The following ZNF704 variants were observed in gnomAD, a reference collection of about 807,000 sequenced individuals.
ZNF704 encodes the protein glucocorticoid induced gene 1.
Under a neutral mutation model 44.7 loss-of-function variants are expected in ZNF704, and 10 were observed. The observed-to-expected ratio is 0.22, with a 90% CI of 0.14 to 0.38. The LOEUF (loss-of-function observed/expected upper bound fraction) is 0.38, where lower values mean the gene tolerates loss of function less well. Ranked by LOEUF, ZNF704 falls within the 10% of genes least tolerant of loss-of-function variation. ZNF704 has a pLI of 1.00. For missense variants in ZNF704, 390 were observed against 545.5 expected (o/e 0.71, Z 2.84); for synonymous variants, 211 against 207.6 (o/e 1.02, Z -0.14).
intron 1 of ZNF704, among the ~76,000 whole-genome samples, chr8:80,823,083 T>C (rs1017972377): frequency 6.6e-6 from 1 of 152,154 alleles, no homozygotes; most frequent in Non-Finnish European, 1.5e-5. Flanking sequence ...TCAATGGGGC[T>C]TGTCACACAG....
intron 4 of ZNF704, among the ~76,000 whole-genome samples, chr8:80,680,415 G>A (rs1235893326): frequency 2.0e-5 from 3 of 151,598 alleles, no homozygotes; most frequent in African/African-American, 7.3e-5. Flanking sequence ...GAATGGCAGG[G>A]CAGGGACAGG....
chr8:80,801,701 C>G lies in ZNF704; in HGVS notation c.221+19673G>C, dbSNP rs192089639. Among the ~76,000 whole-genome samples the G allele has an allele frequency of 3.5e-4, 54 of 152,194 alleles. No individual in the cohort carries two copies. In the South Asian group the frequency reaches 4.8e-3, roughly 13 times the overall value. On this transcript the variant is annotated intron_variant, in intron 2 of 8. Transcript: ENST00000327835. ...GGAAATTTATAGCACTAAATGCCCA[C>G]ATCAAAAAGCTAGAAAGGTCTCAAA...
chr8:80,727,690 G>C (rs1806509554), intron 2 of ZNF704, among the ~76,000 whole-genome samples: 1 of 152,064 alleles, frequency 6.6e-6, no homozygotes. Flanking sequence ...ACCCCGCCCC[G>C]ATGAGCTCAT....
At chr8:80,841,820 C>T (rs766053547) in intron 1 of ZNF704, among the ~76,000 whole-genome samples, 12 of 152,046 alleles carry the variant, frequency 7.9e-5, no homozygotes, top group African/African-American at 1.7e-4. Flanking sequence ...GAAAGGGTCT[C>T]GCTCTGTTGC....
chr8:80,688,000 A>G (rs971194411), intron 3 of ZNF704, among the ~76,000 whole-genome samples: 1 of 152,086 alleles, frequency 6.6e-6, no homozygotes, highest in African/African-American at 2.4e-5. Flanking sequence ...GAGGCCAGGA[A>G]TTCGAGGCCA....
intron 2 of ZNF704, among the ~76,000 whole-genome samples, chr8:80,820,272 A>G (rs182888262): frequency 3.0e-4 from 45 of 152,352 alleles, no homozygotes; most frequent in Admixed American, 6.5e-4. Flanking sequence ...GACAAATGAT[A>G]TGCAAGAAAG....
intron 6 of ZNF704, among the ~76,000 whole-genome samples, chr8:80,661,708 T>C (rs577301831): frequency 1.3e-5 from 2 of 152,296 alleles, no homozygotes; most frequent in African/African-American, 4.8e-5. Context: ...AAACATCACA[T>C]GTTCTCACTC....
At chr8:80,863,171 T>C (rs1809098271) in intron 1 of ZNF704, among the ~76,000 whole-genome samples, 2 of 152,258 alleles carry the variant, frequency 1.3e-5, no homozygotes, top group Admixed American at 1.3e-4. Flanking sequence ...CCACTTTTTC[T>C]AATATTTTGT....
At chr8:80,844,653 G>T (rs954503223) in intron 1 of ZNF704, among the ~76,000 whole-genome samples, 1 of 152,102 alleles carries the variant, frequency 6.6e-6, no homozygotes, top group Non-Finnish European at 1.5e-5. Flanking sequence ...AGATTTGAAG[G>T]CAGGAACCAA....
rs958954160 is a variant in ZNF704 at position 80,632,013 on chromosome 8, A to T, written c.*9353T>A. ...AGGGGAGGGTAATCTTTCAATGGCA[A>T]ATTCACTGGGGCTTGCCAAGATGGG... is the stretch of plus-strand genomic sequence containing the variant. On this transcript the variant is annotated 3_prime_UTR_variant, in exon 9 of 9. Transcript: ENST00000327835. 1 of 152,186 alleles carries T rather than the reference A, an allele frequency of 6.6e-6. No homozygotes were observed. Among genetic ancestry groups the T allele is most frequent in the Non-Finnish European group, 1.5e-5 (1 of 68,044 alleles). The allele number at this position is 152,186 out of a possible 1,614,324, so 9.4% of individuals were successfully genotyped here.
At chr8:80,709,204 G>C (rs1395548665) in intron 2 of ZNF704, among the ~76,000 whole-genome samples, 1 of 151,900 alleles carries the variant, frequency 6.6e-6, no homozygotes, top group Non-Finnish European at 1.5e-5. Context: ...CAGCACTTTG[G>C]GAGGCCGAGG....
chr8:80,641,484 G>C lies in ZNF704; in HGVS notation c.1128-7C>G. On this transcript the variant is annotated splice_polypyrimidine_tract_variant and splice_region_variant and intron_variant, in intron 8 of 8. Coordinates refer to ENST00000327835, the MANE Select transcript of ZNF704 (RefSeq NM_001033723.3). ...GCCCTCTCCCCTGGGCTTCCTGTAA[G>C]ACAGACGAGGAAGGTTAGTTTAGTG... 1 of 1,594,356 alleles carries C rather than the reference G, an allele frequency of 6.3e-7. No individual in the cohort carries two copies. The highest frequency in any genetic ancestry group is 2.3e-5 in the East Asian group (1 of 44,438).
At chr8:80,660,866 G>A (rs2131606182) in intron 6 of ZNF704, among the ~76,000 whole-genome samples, 1 of 152,172 alleles carries the variant, frequency 6.6e-6, no homozygotes, top group South Asian at 2.1e-4. Context: ...AACACTCTAG[G>A]ACATGGGCCC....
chr8:80,666,889 C>A (rs376748453), intron 5 of ZNF704, among the ~76,000 whole-genome samples: 2 of 151,406 alleles, frequency 1.3e-5, no homozygotes, highest in African/African-American at 4.9e-5. Flanking sequence ...GAGTAGGTTG[C>A]GAAAATTTTC....
At chr8:80,868,106 CCTT>C (rs912722832) in intron 1 of ZNF704, among the ~76,000 whole-genome samples, 17 of 152,248 alleles carry the variant, frequency 1.1e-4, no homozygotes, top group African/African-American at 4.1e-4. Context: ...TTTATTGTAT[CCTT>C]CTTATGTTTG....
At chr8:80,854,204 G>A (rs570120221) in intron 1 of ZNF704, among the ~76,000 whole-genome samples, 1 of 152,294 alleles carries the variant, frequency 6.6e-6, no homozygotes, top group South Asian at 2.1e-4. Context: ...ATGCTTTGCT[G>A]TCATGATGTC....
At chr8:80,864,034 G>A (rs1007029729) in intron 1 of ZNF704, among the ~76,000 whole-genome samples, 7 of 152,148 alleles carry the variant, frequency 4.6e-5, no homozygotes, top group African/African-American at 1.4e-4. Flanking sequence ...GAGAAAGGTA[G>A]TGTTCTCTAC....
intron 2 of ZNF704, among the ~76,000 whole-genome samples, chr8:80,759,917 C>T (rs1195737024): frequency 1.3e-5 from 2 of 152,102 alleles, no homozygotes; most frequent in Non-Finnish European, 2.9e-5. Flanking sequence ...CCACACCCAG[C>T]TAATTAAAAA....
intron 2 of ZNF704, among the ~76,000 whole-genome samples, chr8:80,697,025 G>A (rs774537867): frequency 1.4e-4 from 22 of 152,178 alleles, no homozygotes; most frequent in Non-Finnish European, 2.4e-4. Flanking sequence ...AGAAGTATTC[G>A]TTGTCACTCT....
Sources: gnomAD v4.1 joint callset for allele counts (sites outside exome capture counted in the v4.1 genomes callset) on GRCh38, gnomAD v4.1.1 for gene constraint, MANE v1.5 for transcripts, NCBI Gene and HGNC (gene_info 2026-07-23, HGNC 2026-07-21) for gene names.